Variants in SNTG1 observed in about 807,000 individuals in gnomAD.
The protein encoded by SNTG1 is gamma-1-syntrophin.
In SNTG1, 39 loss-of-function variants were observed where a neutral mutation model predicts 74.7. That is an observed-to-expected ratio of 0.52 (90% CI 0.40 to 0.68). The LOEUF (loss-of-function observed/expected upper bound fraction) is 0.68, where lower values mean the gene tolerates loss of function less well. SNTG1 is among the 30% of genes least tolerant of loss of function. SNTG1 has a pLI of 0.00. For missense variants in SNTG1, 685 were observed against 609.5 expected (o/e 1.12, Z -1.30); for synonymous variants, 254 against 217.1 (o/e 1.17, Z -1.49).
chr8:50,708,069 C>T (rs1015921628), intron 16 of SNTG1: 18 of 233,694 alleles, frequency 7.7e-5, no homozygotes, highest in South Asian at 5.5e-4. Flanking sequence ...GGCACGGTGG[C>T]GGGCGACTGT....
At chr8:50,698,461 C>T (rs914619791) in intron 15 of SNTG1, among the ~76,000 whole-genome samples, 16 of 152,114 alleles carry the variant, frequency 1.1e-4, no homozygotes, top group African/African-American at 3.9e-4. Flanking sequence ...AAACAAATCC[C>T]CTCCTGTACT....
At chr8:50,170,237 G>T (rs1382527358) in intron 1 of SNTG1, among the ~76,000 whole-genome samples, 5 of 151,876 alleles carry the variant, frequency 3.3e-5, no homozygotes, top group African/African-American at 1.2e-4. Flanking sequence ...TTGGAACAAG[G>T]TTACATTTTT....
intron 4 of SNTG1, among the ~76,000 whole-genome samples, chr8:50,425,328 A>G (rs1459717992): frequency 6.6e-6 from 1 of 151,360 alleles, no homozygotes; most frequent in Non-Finnish European, 1.5e-5. Context: ...TCTGCCTCCC[A>G]TCAGATCATC....
chr8:50,528,577 TTC>T (rs2094240626), intron 9 of SNTG1, among the ~76,000 whole-genome samples: 1 of 151,924 alleles, frequency 6.6e-6, no homozygotes, highest in Non-Finnish European at 1.5e-5. Flanking sequence ...GTTTACATTT[TTC>T]TTTTTTGCAT....
At chr8:49,934,881 G>GAA (rs35983107) in intron 1 of SNTG1, among the ~76,000 whole-genome samples, 2 of 150,304 alleles carry the variant, frequency 1.3e-5, no homozygotes, top group African/African-American at 4.9e-5. Context: ...GCAACCTGGA[G>GAA]AAAAAAAAAT....
intron 2 of SNTG1, among the ~76,000 whole-genome samples, chr8:50,387,129 T>G (rs1463553740): frequency 6.6e-6 from 1 of 152,184 alleles, no homozygotes. Flanking sequence ...CTACTCTGAT[T>G]ACTGCCTTGG....
intron 18 of SNTG1, among the ~76,000 whole-genome samples, chr8:50,761,237 T>C (rs2095597977): frequency 6.6e-6 from 1 of 151,930 alleles, no homozygotes; most frequent in Non-Finnish European, 1.5e-5. Flanking sequence ...CAATAAACGT[T>C]AATTCTTCAC....
chr8:50,448,390 G>A (rs1251820300), intron 5 of SNTG1, among the ~76,000 whole-genome samples: 1 of 151,926 alleles, frequency 6.6e-6, no homozygotes, highest in Non-Finnish European at 1.5e-5. Flanking sequence ...GCAATTCAGT[G>A]TTAAAAATGG....
chr8:50,494,491 C>A (rs1192582589), intron 8 of SNTG1, among the ~76,000 whole-genome samples: 2 of 151,822 alleles, frequency 1.3e-5, no homozygotes, highest in Non-Finnish European at 2.9e-5. Context: ...AGGTAAAACT[C>A]AGTTTTATCA....
intron 18 of SNTG1, among the ~76,000 whole-genome samples, chr8:50,768,828 G>A (rs1213389125): frequency 6.6e-6 from 1 of 152,024 alleles, no homozygotes. Context: ...TAAGTAGATA[G>A]AAATAAGTTA....
intron 13 of SNTG1, among the ~76,000 whole-genome samples, chr8:50,651,213 C>T (rs1405539403): frequency 1.3e-5 from 2 of 151,262 alleles, no homozygotes; most frequent in Non-Finnish European, 2.9e-5. Flanking sequence ...TGCCTGCATC[C>T]AATACTTCCT....
At chr8:50,478,123 A>G (rs1433022306) in intron 8 of SNTG1, among the ~76,000 whole-genome samples, 2 of 152,106 alleles carry the variant, frequency 1.3e-5, no homozygotes, top group East Asian at 1.9e-4. Context: ...CTACTTTCAT[A>G]TTCATCTGGC....
At chr8:50,395,209 T>C (rs1237492339) in intron 3 of SNTG1, among the ~76,000 whole-genome samples, 9 of 152,180 alleles carry the variant, frequency 5.9e-5, no homozygotes, top group Non-Finnish European at 1.3e-4. Context: ...AAGTTCAGAA[T>C]ATAAATATAA....
At chr8:50,730,123 A>T (rs1468689287) in intron 17 of SNTG1, among the ~76,000 whole-genome samples, 1 of 152,200 alleles carries the variant, frequency 6.6e-6, no homozygotes, top group African/African-American at 2.4e-5. Context: ...ATATTGTACA[A>T]ATATACTTTG....
At chr8:49,971,517 C>A (rs1231550727) in intron 1 of SNTG1, among the ~76,000 whole-genome samples, 2 of 152,034 alleles carry the variant, frequency 1.3e-5, no homozygotes, top group Non-Finnish European at 2.9e-5. Context: ...CTGGCCAGGG[C>A]AAATAGGCAG....
At chr8:50,033,206 C>T (rs1298476577) in intron 1 of SNTG1, among the ~76,000 whole-genome samples, 3 of 151,910 alleles carry the variant, frequency 2.0e-5, no homozygotes, top group African/African-American at 4.8e-5. Context: ...TCACCACAAC[C>T]TCTGCCTCCT....
At chr8:49,963,345 T>C (rs1005787970) in intron 1 of SNTG1, among the ~76,000 whole-genome samples, 3 of 152,200 alleles carry the variant, frequency 2.0e-5, no homozygotes, top group Non-Finnish European at 4.4e-5. Context: ...TTTTGGCACA[T>C]TGCCCAACTG....
intron 2 of SNTG1, among the ~76,000 whole-genome samples, chr8:50,220,327 G>A (rs2085001668): frequency 1.3e-5 from 2 of 152,114 alleles, no homozygotes; most frequent in Admixed American, 1.3e-4. Context: ...TATCTGCACT[G>A]AAGCACTGTC....
At chr8:50,381,808 G>T (rs2092490705) in intron 2 of SNTG1, 1 of 127,386 alleles carries the variant, frequency 7.9e-6, no homozygotes, top group Non-Finnish European at 1.7e-5. Context: ...TATTAGTTCT[G>T]TAGCTATATA....
Sources: allele counts gnomAD v4.1 joint callset (sites outside exome capture counted in the v4.1 genomes callset), GRCh38; gene constraint gnomAD v4.1.1; transcripts MANE v1.5; gene names NCBI Gene and HGNC (gene_info 2026-07-23, HGNC 2026-07-21).